DUSP16: variants seen among roughly 807,000 people sequenced by gnomAD.
DUSP16 encodes dual specificity protein phosphatase 16.
DUSP16 carries 21 observed loss-of-function variants against 58.3 expected under a neutral mutation model. The observed-to-expected ratio is 0.36, with a 90% CI of 0.26 to 0.52. The LOEUF is 0.52. DUSP16 is among the 20% of genes least tolerant of loss of function. DUSP16 has a pLI of 0.94. For missense variants in DUSP16, 726 were observed against 819.0 expected (o/e 0.89, Z 1.39); for synonymous variants, 320 against 323.8 (o/e 0.99, Z 0.12).
chr12:12,551,494 T>G (rs1944725762), intron 1 of DUSP16, among the ~76,000 whole-genome samples: 1 of 151,464 alleles, frequency 6.6e-6, no homozygotes, highest in African/African-American at 2.4e-5. Flanking sequence ...CACTATCTGT[T>G]GCCAATGATA....
chr12:12,530,511 C>G (rs957714813), intron 1 of DUSP16, among the ~76,000 whole-genome samples: 2 of 152,148 alleles, frequency 1.3e-5, no homozygotes, highest in Non-Finnish European at 2.9e-5. Context: ...TTTAGCTTGA[C>G]ATAATCCCAT....
intron 1 of DUSP16, among the ~76,000 whole-genome samples, chr12:12,548,542 G>GAATC (rs2136262937): frequency 7.1e-6 from 1 of 141,246 alleles, no homozygotes; most frequent in South Asian, 2.2e-4. Context: ...TGAGGAAAGA[G>GAATC]AATCACTTGA....
intron 1 of DUSP16, among the ~76,000 whole-genome samples, chr12:12,548,307 G>C (rs1214385712): frequency 1.3e-5 from 2 of 152,134 alleles, no homozygotes; most frequent in African/African-American, 4.8e-5. Context: ...AAACCACAAT[G>C]AGGTATCACG....
intron 1 of DUSP16, among the ~76,000 whole-genome samples, chr12:12,554,196 CAAAA>C (rs59499569): frequency 6.0e-5 from 4 of 66,160 alleles, no homozygotes; most frequent in Admixed American, 1.9e-4. Flanking sequence ...AACTGGGTCT[CAAAA>C]AAAAAAAAAA....
chr12:12,531,032 C>T (rs1482139432), intron 1 of DUSP16, among the ~76,000 whole-genome samples: 1 of 152,092 alleles, frequency 6.6e-6, no homozygotes, highest in East Asian at 1.9e-4. Flanking sequence ...TATATGCACC[C>T]CCTCCTTTAG....
In DUSP16 at chr12:12,475,878, A is replaced by G. The variant is rs1270174222; in HGVS notation, c.*955T>C. The G allele has an allele frequency of 1.3e-5, 2 of 152,248 alleles. No homozygotes were observed. Among genetic ancestry groups the G allele is most frequent in the African/African-American group, 4.8e-5 (2 of 41,464 alleles). 9.4% of individuals were successfully genotyped at this position (152,248 alleles called of 1,614,324 possible). A position where few individuals can be genotyped will look rare whatever the true frequency, so the allele number is the denominator to read the frequency against. On this transcript the variant is annotated 3_prime_UTR_variant, in exon 7 of 7. Coordinates refer to ENST00000298573, the MANE Select transcript of DUSP16 (RefSeq NM_030640.3). Reference sequence around the variant, plus strand: ...TGCTGCTGCTCTGCTACCAACCCAAATAAATTCACATTTGGCTTGAAACCA... The same window carrying G: ...TGCTGCTGCTCTGCTACCAACCCAAGTAAATTCACATTTGGCTTGAAACCA...
intron 1 of DUSP16, chr12:12,560,729 T>C (rs1944886326): frequency 6.6e-6 from 1 of 152,236 alleles, no homozygotes; most frequent in Non-Finnish European, 1.5e-5. Flanking sequence ...GAGTAATTAA[T>C]TCAATTGGTA....
rs78725862 is a variant in DUSP16 at position 12,532,573 on chromosome 12, A to G, written c.-365-11110T>C. Among the ~76,000 whole-genome samples the G allele has an allele frequency of 6.8e-3, 1,030 of 152,334 alleles. 13 individuals carry two copies. Among genetic ancestry groups the G allele is most frequent in the African/African-American group, 0.023 (970 of 41,570 alleles). On this transcript the variant is annotated intron_variant, in intron 1 of 6. Transcript: ENST00000298573. ...ATATTAATATAAGGTCATGACATAC[A>G]TTCAGACCCAGGAACTATTACCAGG...
intron 4 of DUSP16, among the ~76,000 whole-genome samples, chr12:12,493,597 T>C (rs572190165): frequency 8.5e-5 from 13 of 152,260 alleles, no homozygotes; most frequent in Admixed American, 2.6e-4. Flanking sequence ...GTTACCTCTC[T>C]GACGACACTC....
At chr12:12,506,282 A>C (rs1943996059) in intron 3 of DUSP16, 1 of 152,194 alleles carries the variant, frequency 6.6e-6, no homozygotes, top group Admixed American at 6.5e-5. Flanking sequence ...TCAGAAGAAA[A>C]GTTCATTTAT....
At chr12:12,499,924 T>C (rs1482641062) in intron 4 of DUSP16, among the ~76,000 whole-genome samples, 1 of 152,102 alleles carries the variant, frequency 6.6e-6, no homozygotes, top group Admixed American at 6.5e-5. Context: ...TAGGGCACGC[T>C]TTGTCCAGTA....
rs565112373 is a variant in DUSP16 at position 12,476,004 on chromosome 12, C to A, written c.*829G>T. The stretch of plus-strand genomic sequence containing the variant: ...TTAGCCTCCCAACCTTAGCTTAAAT[C>A]GTGATGTTGCCAGGTTCCTGGTGGT... On this transcript the variant is annotated 3_prime_UTR_variant, in exon 7 of 7. Coordinates refer to ENST00000298573, the MANE Select transcript of DUSP16 (RefSeq NM_030640.3). The A allele has an allele frequency of 2.6e-5, 4 of 152,312 alleles. No homozygotes were observed. The East Asian group carries it at 7.7e-4, about 29-fold the overall frequency. The allele number at this position is 152,312 out of a possible 1,614,324, so 9.4% of individuals were successfully genotyped here. A position where few individuals can be genotyped will look rare whatever the true frequency, so the allele number is the denominator to read the frequency against.
chr12:12,510,911 G>A (rs59666453), intron 3 of DUSP16, among the ~76,000 whole-genome samples: 9,195 of 152,218 alleles, frequency 0.06, 328 homozygotes, highest in Middle Eastern at 0.095. Flanking sequence ...CAACAGGGAG[G>A]AGGCCTAAGG....
intron 3 of DUSP16, among the ~76,000 whole-genome samples, chr12:12,504,318 G>C (rs1209969834): frequency 2.0e-5 from 3 of 152,004 alleles, no homozygotes; most frequent in Non-Finnish European, 4.4e-5. Flanking sequence ...CTAGGCTGGA[G>C]TGGCATGATC....
At chr12:12,486,241 T>A (rs1943679997) in intron 5 of DUSP16, among the ~76,000 whole-genome samples, 3 of 152,156 alleles carry the variant, frequency 2.0e-5, no homozygotes, top group African/African-American at 7.2e-5. Flanking sequence ...CACTGTGGTA[T>A]GTTGCTCAGG....
chr12:12,494,152 G>T (rs1393537076), intron 4 of DUSP16, among the ~76,000 whole-genome samples: 1 of 152,100 alleles, frequency 6.6e-6, no homozygotes, highest in Non-Finnish European at 1.5e-5. Flanking sequence ...CATTTTACAA[G>T]TCACTGTAAA....
intron 1 of DUSP16, among the ~76,000 whole-genome samples, chr12:12,547,832 A>C (rs577084059): frequency 6.6e-6 from 1 of 152,206 alleles, no homozygotes; most frequent in Non-Finnish European, 1.5e-5. Flanking sequence ...ATTCCAAGGA[A>C]ATCTTAGACA....
chr12:12,516,741 C>G (rs567765686), intron 3 of DUSP16, among the ~76,000 whole-genome samples: 79 of 152,328 alleles, frequency 5.2e-4, no homozygotes, highest in African/African-American at 1.7e-3. Context: ...TACTTTCAGA[C>G]TTCATCACTG....
intron 1 of DUSP16, among the ~76,000 whole-genome samples, 160 bp from the exon 2 acceptor site, chr12:12,521,623 T>C (rs975184155): frequency 2.0e-5 from 3 of 152,178 alleles, no homozygotes; most frequent in African/African-American, 7.2e-5. Flanking sequence ...AAAGGACAAA[T>C]TGGTATGGCT....
Sources: allele counts gnomAD v4.1 joint callset (sites outside exome capture counted in the v4.1 genomes callset), GRCh38; gene constraint gnomAD v4.1.1; transcripts MANE v1.5; gene names NCBI Gene and HGNC (gene_info 2026-07-23, HGNC 2026-07-21).